The following PARD3B variants were observed in gnomAD, a reference collection of about 807,000 sequenced individuals.
The protein encoded by PARD3B is partitioning defective 3 homolog B.
In PARD3B, 103 loss-of-function variants were observed where a neutral mutation model predicts 130.2. The ratio of observed to expected loss-of-function variants is 0.79; its 90% CI spans 0.67 to 0.93. PARD3B has a LOEUF of 0.93. Among genes scored for constraint, PARD3B ranks in the 40% least tolerant of loss-of-function variants. The pLI is 0.00. For synonymous variants in PARD3B, 583 were observed against 553.2 expected (o/e 1.05, Z -0.76); for missense variants, 1,609 against 1,499.2 (o/e 1.07, Z -1.21).
intron 22 of PARD3B, among the ~76,000 whole-genome samples, chr2:205,609,392 T>C (rs984670042): frequency 6.6e-6 from 1 of 152,168 alleles, no homozygotes; most frequent in Admixed American, 6.5e-5. Context: ...TGCTCAAGAA[T>C]AGCATGGCTC....
chr2:204,639,015 T>A (rs1025997278), intron 1 of PARD3B, among the ~76,000 whole-genome samples: 1 of 152,120 alleles, frequency 6.6e-6, no homozygotes, highest in Non-Finnish European at 1.5e-5. Context: ...GAGTTGTAAA[T>A]CTCTGTAGAT....
At chr2:205,036,921 TATAA>T (rs1292553022) in intron 3 of PARD3B, among the ~76,000 whole-genome samples, 1 of 151,104 alleles carries the variant, frequency 6.6e-6, no homozygotes, top group African/African-American at 2.4e-5. Context: ...GGACTGTATA[TATAA>T]AAAACATATA....
intron 3 of PARD3B, among the ~76,000 whole-genome samples, chr2:205,018,640 G>A (rs1490118766): frequency 1.4e-5 from 2 of 139,800 alleles, no homozygotes; most frequent in Non-Finnish European, 3.0e-5. Flanking sequence ...CATCAGGAGA[G>A]CCTCGTTTTT....
chr2:205,089,712 C>G (rs1701983035), intron 4 of PARD3B, among the ~76,000 whole-genome samples: 1 of 152,192 alleles, frequency 6.6e-6, no homozygotes, highest in African/African-American at 2.4e-5. Context: ...AAGGGTAGGA[C>G]TGAGTCAATT....
At chr2:205,543,304 T>C (rs2052244413) in intron 21 of PARD3B, among the ~76,000 whole-genome samples, 1 of 152,188 alleles carries the variant, frequency 6.6e-6, no homozygotes, top group African/African-American at 2.4e-5. Context: ...TAGGAAACAC[T>C]TTTGCTATAC....
chr2:204,848,205 A>G (rs1452502498), intron 2 of PARD3B, among the ~76,000 whole-genome samples: 1 of 152,186 alleles, frequency 6.6e-6, no homozygotes, highest in African/African-American at 2.4e-5. Context: ...TAAACATAGT[A>G]TATATAGGAT....
At chr2:205,324,143 C>A (rs969475340) in intron 18 of PARD3B, among the ~76,000 whole-genome samples, 1 of 152,116 alleles carries the variant, frequency 6.6e-6, no homozygotes, top group Non-Finnish European at 1.5e-5. Flanking sequence ...AATATCATAC[C>A]TGGCCATTAG....
chr2:205,287,738 T>G lies in PARD3B; in HGVS notation c.2186-12792T>G, dbSNP rs2041450172. Among the ~76,000 whole-genome samples, 1 of 152,018 alleles carries G rather than the reference T, an allele frequency of 6.6e-6. No individual in the cohort carries two copies. The highest frequency in any genetic ancestry group is 1.5e-5 in the Non-Finnish European group (1 of 68,010). On this transcript the variant is annotated intron_variant, in intron 16 of 22. Transcript: ENST00000406610. This position sits in a 1 kb window ranked among gnomAD's most constrained non-coding sequence, Gnocchi z 4.8. The stretch of plus-strand genomic sequence containing the variant: ...GGGAGAAAAGAGAGACAGTTTAGGA[T>G]AAGTGGAGAGTTGTGACACTCTTGC...
intron 18 of PARD3B, among the ~76,000 whole-genome samples, chr2:205,379,769 C>G (rs1171388591): frequency 1.3e-5 from 2 of 151,748 alleles, no homozygotes; most frequent in Non-Finnish European, 2.9e-5. Flanking sequence ...AATACTTGTT[C>G]TTAAAAATAT....
In PARD3B at chr2:205,105,875, C is replaced by T. The variant is rs1453014902; in HGVS notation, c.593+1361C>T. 6.6e-6 allele frequency among the ~76,000 whole-genome samples: 1 copy of T among 151,694 alleles called. No individual in the cohort carries two copies. The highest frequency in any genetic ancestry group is 1.5e-5 in the Non-Finnish European group (1 of 67,950). On this transcript the variant is annotated intron_variant, in intron 5 of 22. Transcript: ENST00000406610. The surrounding 1 kb of genome is among the most constrained non-coding windows in gnomAD (Gnocchi z 4.0). The stretch of plus-strand genomic sequence containing the variant: ...TAATAAGATTATCTAATTATGTCTA[C>T]CTCCAGAAACTAATAAGATTGTTTC...
intron 2 of PARD3B, among the ~76,000 whole-genome samples, chr2:204,873,391 A>C (rs1313591868): frequency 6.6e-6 from 1 of 152,144 alleles, no homozygotes; most frequent in Non-Finnish European, 1.5e-5. Context: ...TGAAAGTGGG[A>C]GATTTAGACT....
At chr2:204,810,542 A>C (rs186315472) in intron 2 of PARD3B, among the ~76,000 whole-genome samples, 28 of 152,218 alleles carry the variant, frequency 1.8e-4, no homozygotes, top group Admixed American at 3.9e-4. Flanking sequence ...ATAATCATGT[A>C]GTTTTCTGCA....
At chr2:205,224,485 T>C (rs886652253) in intron 15 of PARD3B, among the ~76,000 whole-genome samples, 3 of 151,590 alleles carry the variant, frequency 2.0e-5, no homozygotes, top group Non-Finnish European at 2.9e-5. Context: ...GATCTTATTC[T>C]GACTATATTT....
At chr2:204,579,874 C>T (rs1159667972) in intron 1 of PARD3B, among the ~76,000 whole-genome samples, 2 of 152,242 alleles carry the variant, frequency 1.3e-5, no homozygotes, top group South Asian at 4.1e-4. Context: ...CCATCCTACC[C>T]TGTGAAGACA....
At chr2:204,870,603 TA>T (rs1232961432) in intron 2 of PARD3B, among the ~76,000 whole-genome samples, 2 of 152,156 alleles carry the variant, frequency 1.3e-5, no homozygotes, top group Non-Finnish European at 2.9e-5. Context: ...CTTTGCTAAG[TA>T]AAATAGGAAG....
chr2:204,878,131 A>G (rs1446931749), intron 2 of PARD3B, among the ~76,000 whole-genome samples: 1 of 152,206 alleles, frequency 6.6e-6, no homozygotes, highest in Non-Finnish European at 1.5e-5. Flanking sequence ...TGTAAAGAAA[A>G]AAGTCATGTA....
chr2:204,753,223 T>C (rs1160824760), intron 2 of PARD3B, among the ~76,000 whole-genome samples: 2 of 152,188 alleles, frequency 1.3e-5, no homozygotes, highest in East Asian at 1.9e-4. Flanking sequence ...GAAATTTCCA[T>C]TGAAAGATAT....
chr2:204,691,911 G>A (rs2037372136), intron 2 of PARD3B, among the ~76,000 whole-genome samples: 1 of 152,098 alleles, frequency 6.6e-6, no homozygotes, highest in Non-Finnish European at 1.5e-5. Context: ...TTTGCGAAAT[G>A]AAAATGCCAG....
intron 15 of PARD3B, among the ~76,000 whole-genome samples, chr2:205,225,856 T>C (rs1201455899): frequency 2.0e-5 from 3 of 152,242 alleles, no homozygotes; most frequent in African/African-American, 7.2e-5. Context: ...TCCCCAACAT[T>C]TGGAATTACA....
Sources: allele counts gnomAD v4.1 joint callset (sites outside exome capture counted in the v4.1 genomes callset), GRCh38; gene constraint gnomAD v4.1.1; non-coding constraint Gnocchi (gnomAD v3.1); transcripts MANE v1.5; gene names NCBI Gene and HGNC (gene_info 2026-07-23, HGNC 2026-07-21).